The following ZNF831 variants were observed in gnomAD, a reference collection of about 807,000 sequenced individuals.
The protein encoded by ZNF831 is chromosome 20 open reading frame 174.
A neutral mutation model predicts 95.8 loss-of-function variants in ZNF831; 59 were observed. The observed-to-expected ratio is 0.62, with a 90% CI of 0.50 to 0.77. ZNF831 has a LOEUF of 0.77. Among genes scored for constraint, ZNF831 ranks in the 30% least tolerant of loss-of-function variants. The probability of loss-of-function intolerance (pLI) is 0.00; values close to 1 mark genes in which losing one functional copy is unlikely to be tolerated. For missense variants in ZNF831, 2,205 were observed against 2,164.0 expected (o/e 1.02, Z -0.38); for synonymous variants, 961 against 925.5 (o/e 1.04, Z -0.70).
chr20:59,224,212 C>T (rs530866791), intron 4 of ZNF831, among the ~76,000 whole-genome samples: 5 of 152,322 alleles, frequency 3.3e-5, no homozygotes, highest in Admixed American at 2.0e-4. Flanking sequence ...CTTCCCCTCC[C>T]AACAAGTGCG....
chr20:59,200,181 T>C (rs564290221), intron 3 of ZNF831, among the ~76,000 whole-genome samples: 4 of 152,202 alleles, frequency 2.6e-5, no homozygotes, highest in Non-Finnish European at 5.9e-5. Flanking sequence ...TAGATGTATG[T>C]TGCTTTTTAT....
intron 1 of ZNF831, among the ~76,000 whole-genome samples, chr20:59,186,605 G>T (rs1265603800): frequency 1.3e-5 from 2 of 152,190 alleles, no homozygotes; most frequent in African/African-American, 4.8e-5. Flanking sequence ...AGAAATTCAG[G>T]CCTACTGGTC....
chr20:59,209,625 T>C (rs1477056813), intron 4 of ZNF831, among the ~76,000 whole-genome samples: 2 of 152,218 alleles, frequency 1.3e-5, no homozygotes, highest in African/African-American at 4.8e-5. Context: ...AGGGTTGTTG[T>C]AAGAAATTGC....
At chr20:59,178,957 C>T (rs1357335343) in intron 1 of ZNF831, among the ~76,000 whole-genome samples, 2 of 152,222 alleles carry the variant, frequency 1.3e-5, no homozygotes, top group African/African-American at 4.8e-5. Context: ...AACACCCAGT[C>T]TCCTTATGTC....
intron 5 of ZNF831, among the ~76,000 whole-genome samples, chr20:59,253,396 C>G (rs981009454): frequency 2.6e-5 from 4 of 152,060 alleles, no homozygotes; most frequent in Non-Finnish European, 4.4e-5. Flanking sequence ...TACTGCACAC[C>G]TGAATAGAGA....
chr20:59,125,448 AC>A (rs1276723298), intron 1 of ZNF831, among the ~76,000 whole-genome samples: 3 of 149,892 alleles, frequency 2.0e-5, no homozygotes, highest in Non-Finnish European at 4.4e-5. Context: ...GGCTCTCCCC[AC>A]CCCCCCGCAG....
chr20:59,203,094 T>C (rs1162773507), intron 3 of ZNF831, among the ~76,000 whole-genome samples: 3 of 152,204 alleles, frequency 2.0e-5, no homozygotes, highest in Non-Finnish European at 4.4e-5. Flanking sequence ...AATGGGGCTG[T>C]CTTTTCATGA....
At chr20:59,202,705 C>T (rs1984618830) in intron 3 of ZNF831, among the ~76,000 whole-genome samples, 1 of 152,096 alleles carries the variant, frequency 6.6e-6, no homozygotes, top group Non-Finnish European at 1.5e-5. Flanking sequence ...CCATGTGCCT[C>T]TCACTGAAGA....
chr20:59,137,247 A>T (rs184354952), intron 1 of ZNF831, among the ~76,000 whole-genome samples: 2 of 151,372 alleles, frequency 1.3e-5, no homozygotes, highest in Admixed American at 1.3e-4. Context: ...AGTTATATGC[A>T]CTAATATGCC....
chr20:59,182,919 T>C (rs926235723), intron 1 of ZNF831, among the ~76,000 whole-genome samples: 2 of 152,210 alleles, frequency 1.3e-5, no homozygotes, highest in Non-Finnish European at 2.9e-5. Flanking sequence ...CAGACCCTTC[T>C]AGAATCTGAC....
chr20:59,193,812 C>T lies in ZNF831; in HGVS notation c.2793C>T (p.Ala931=), dbSNP rs1465235839. ...CTCAGGCTCCTAGAGTGCTCTCTGC[C>T]CTGGCAGATAATGCCTTTTCCCCCA... ...TPPQAPRVLS[A]LADNAFSPKY... Residue 931 remains alanine (A), a synonymous_variant, in exon 2 of 6, where the codon GCC becomes GCT. Coordinates refer to ENST00000371030, the MANE Select transcript of ZNF831 (RefSeq NM_178457.3). 1 of 1,612,444 alleles carries T rather than the reference C, an allele frequency of 6.2e-7. No individual in the cohort carries two copies. The highest frequency in any genetic ancestry group is 1.7e-5 in the Admixed American group (1 of 59,894).
At chr20:59,134,239 G>A (rs953212912) in intron 1 of ZNF831, among the ~76,000 whole-genome samples, 78 of 152,288 alleles carry the variant, frequency 5.1e-4, no homozygotes, top group African/African-American at 1.7e-3. Context: ...AAGAGGACTC[G>A]AAGTAGCAGA....
chr20:59,225,409 A>G (rs575204059), intron 4 of ZNF831, among the ~76,000 whole-genome samples: 1 of 152,248 alleles, frequency 6.6e-6, no homozygotes, highest in East Asian at 1.9e-4. Flanking sequence ...TTCCAGTTTC[A>G]CTACTCAATA....
rs1236295049 is a variant in ZNF831, at chr20:59,256,979, T to C, written c.*2236T>C. 1 of 152,162 alleles carries C rather than the reference T, an allele frequency of 6.6e-6. No homozygotes were observed. Among genetic ancestry groups the C allele is most frequent in the African/African-American group, 2.4e-5 (1 of 41,434 alleles). The allele number at this position is 152,162 out of a possible 1,614,324, so 9.4% of individuals were successfully genotyped here. A position where few individuals can be genotyped will look rare whatever the true frequency, so the allele number is the denominator to read the frequency against. ...CTGGCTCCTTTGTCTTAGGAGGCAC[T>C]GGTCAGGGGAAAAAAGCTGTCTTCC... On this transcript the variant is annotated 3_prime_UTR_variant, in exon 6 of 6. Transcript: ENST00000371030.
At chr20:59,144,248 C>T (rs1979768247) in intron 1 of ZNF831, among the ~76,000 whole-genome samples, 1 of 152,192 alleles carries the variant, frequency 6.6e-6, no homozygotes, top group South Asian at 2.1e-4. Flanking sequence ...TTCCTTACCA[C>T]ACACAGTAGA....
rs78638275 is a variant in ZNF831 at position 59,168,232 on chromosome 20, C to A, written c.-37+4025C>A. On this transcript the variant is annotated intron_variant, in intron 1 of 5. Transcript: ENST00000371030. ...TCTTCCAATGCATGAACACAATATG[C>A]CTCTTTATTATTTAGACTTTATTTG... Among the ~76,000 whole-genome samples the A allele has an allele frequency of 7.2e-5, 11 of 152,144 alleles. No individual in the cohort carries two copies. In the South Asian group the frequency reaches 8.3e-4, roughly 11 times the overall value.
At position 59,134,030 on chromosome 20, in the gene ZNF831, C is replaced by A. The variant is rs911204345; in HGVS notation, c.-1425+10525C>A. Among the ~76,000 whole-genome samples the A allele has an allele frequency of 5.3e-5, 8 of 152,334 alleles. No homozygotes were observed. The East Asian group carries it at 1.5e-3, about 29-fold the overall frequency. On this transcript the variant is annotated intron_variant, in intron 1 of 7. Coordinates refer to the ZNF831 transcript ENST00000637017. ...ATGGGAACACCTCACAGCTCAGATGCTCCTCCTTGGTTCCCAGCAGATGTC... is the reference window on the plus strand; with the variant it reads ...ATGGGAACACCTCACAGCTCAGATGATCCTCCTTGGTTCCCAGCAGATGTC...
chr20:59,205,755 G>C (rs2146634464), intron 3 of ZNF831, among the ~76,000 whole-genome samples: 1 of 152,318 alleles, frequency 6.6e-6, no homozygotes, highest in Middle Eastern at 3.4e-3. Flanking sequence ...TGACCAGGCA[G>C]TTAGAAGCAG....
At chr20:59,186,569 C>A (rs901975310) in intron 1 of ZNF831, among the ~76,000 whole-genome samples, 6 of 152,208 alleles carry the variant, frequency 3.9e-5, no homozygotes, top group African/African-American at 1.2e-4. Flanking sequence ...CAGGGCCACC[C>A]TCTAGCAAGA....
Sources: gnomAD v4.1 joint callset for allele counts (sites outside exome capture counted in the v4.1 genomes callset) on GRCh38, gnomAD v4.1.1 for gene constraint, MANE v1.5 for transcripts, NCBI Gene and HGNC (gene_info 2026-07-23, HGNC 2026-07-21) for gene names.